ITIH5: variants seen among roughly 807,000 people sequenced by gnomAD.
ITIH5 encodes the protein inter-alpha-trypsin inhibitor heavy chain H5.
A neutral mutation model predicts 77.5 loss-of-function variants in ITIH5; 65 were observed. The observed-to-expected ratio is 0.84, with a 90% confidence interval of 0.69 to 1.03. The LOEUF (loss-of-function observed/expected upper bound fraction) is 1.03, where lower values mean the gene tolerates loss of function less well. Among genes scored for constraint, ITIH5 ranks in the 50% least tolerant of loss-of-function variants. The pLI is 0.00. For missense variants in ITIH5, 1,208 were observed against 1,213.1 expected (o/e 1.00, Z 0.06); for synonymous variants, 525 against 494.3 (o/e 1.06, Z -0.82).
intron 2 of ITIH5, among the ~76,000 whole-genome samples, chr10:7,652,960 CA>C (rs1402060674): frequency 6.6e-6 from 1 of 151,756 alleles, no homozygotes; most frequent in African/African-American, 2.4e-5. Flanking sequence ...TTAAAATGTC[CA>C]AATCCTTGTT....
chr10:7,605,651 G>T (rs1048558973), intron 7 of ITIH5, among the ~76,000 whole-genome samples: 12 of 152,068 alleles, frequency 7.9e-5, no homozygotes, highest in African/African-American at 2.9e-4. Context: ...CCAAGAAGTG[G>T]GGGGCTGTGC....
At chr10:7,651,761 C>G (rs900044058) in intron 2 of ITIH5, among the ~76,000 whole-genome samples, 1 of 152,198 alleles carries the variant, frequency 6.6e-6, no homozygotes, top group Non-Finnish European at 1.5e-5. Context: ...ACCTACTACC[C>G]TGCCTTGCCC....
At chr10:7,581,614 T>C (rs1305342367) in intron 8 of ITIH5, among the ~76,000 whole-genome samples, 1 of 152,060 alleles carries the variant, frequency 6.6e-6, no homozygotes, top group Non-Finnish European at 1.5e-5. Flanking sequence ...TATGAAAACA[T>C]ATCAAGTTGT....
At chr10:7,623,829 T>G (rs1047061691) in intron 5 of ITIH5, among the ~76,000 whole-genome samples, 1 of 147,994 alleles carries the variant, frequency 6.8e-6, no homozygotes, top group Non-Finnish European at 1.5e-5. Context: ...AAAAAATACC[T>G]TCATAAGTCT....
chr10:7,596,823 C>T (rs989104136), intron 7 of ITIH5, among the ~76,000 whole-genome samples: 31 of 151,926 alleles, frequency 2.0e-4, no homozygotes, highest in South Asian at 6.2e-4. Context: ...CGAGGAAGGA[C>T]GATCACCTGA....
At chr10:7,658,538 G>GGTATGTAT (rs1170283431) in intron 1 of ITIH5, among the ~76,000 whole-genome samples, 2 of 152,156 alleles carry the variant, frequency 1.3e-5, no homozygotes, top group East Asian at 3.9e-4. Flanking sequence ...AAGATCCAGA[G>GGTATGTAT]AATACGTGCC....
Position 7,657,091 on chromosome 10 carries a change from C to T in ITIH5, c.91-1416G>A, listed in dbSNP as rs143962157. ...ACGGAGTCTTGTTCTGTTGCCCAGG[C>T]TGGAGTGCAGTGACGCCACCTTGGC... is the stretch of plus-strand genomic sequence containing the variant. On this transcript the variant is annotated intron_variant, in intron 1 of 13. Coordinates refer to ENST00000397146, the MANE Select transcript of ITIH5 (RefSeq NM_030569.7). 1.6e-3 allele frequency among the ~76,000 whole-genome samples: 218 copies of T among 136,084 alleles called. 1 individual carries two copies. Among genetic ancestry groups the T allele is most frequent in the African/African-American group, 5.3e-3 (189 of 35,466 alleles). The allele number at this position is 136,084 out of a possible 152,430, so 89.3% of individuals were successfully genotyped here.
Position 7,561,012 on chromosome 10 carries a change from G to A in ITIH5, c.*2071C>T, listed in dbSNP as rs1344377834. ...GGTCCTAACTATAAGCTTGGTATGG[G>A]GTTTCGGGCTTTCAGGTACTGACCC... On this transcript the variant is annotated 3_prime_UTR_variant, in exon 14 of 14. Coordinates refer to ENST00000397146, the MANE Select transcript of ITIH5 (RefSeq NM_030569.7). The A allele has an allele frequency of 1.4e-5, 2 of 143,256 alleles. No individual in the cohort carries two copies. The highest frequency in any genetic ancestry group is 7.2e-5 in the Admixed American group (1 of 13,974). 8.9% of individuals were successfully genotyped at this position (143,256 alleles called of 1,614,324 possible).
In ITIH5 at chr10:7,596,216, G is replaced by A. The variant is rs530526630; in HGVS notation, c.940-10147C>T. On this transcript the variant is annotated intron_variant, in intron 7 of 13. Transcript: ENST00000397146. ...GAGATAGGGTCTTCCTTTCTCTTCC[G>A]CTCCCTCTTTCCTATAAAGCTGAGC... Among the ~76,000 whole-genome samples, 6 of 152,192 alleles carry A rather than the reference G, an allele frequency of 3.9e-5. No homozygotes were observed. The South Asian group carries it at 8.3e-4, about 21-fold the overall frequency.
intron 5 of ITIH5, chr10:7,620,379 T>C (rs931830804): frequency 6.6e-6 from 1 of 152,166 alleles, no homozygotes; most frequent in Non-Finnish European, 1.5e-5. Flanking sequence ...CTGCATAAAG[T>C]TCAAGAGGAG....
At chr10:7,610,601 G>A (rs1251578674) in intron 7 of ITIH5, among the ~76,000 whole-genome samples, 1 of 152,186 alleles carries the variant, frequency 6.6e-6, no homozygotes, top group Non-Finnish European at 1.5e-5. Context: ...TGCCAAGCCT[G>A]TTGACACAAT....
chr10:7,644,624 C>G (rs567348677), intron 2 of ITIH5, among the ~76,000 whole-genome samples: 1 of 92,336 alleles, frequency 1.1e-5, no homozygotes, highest in African/African-American at 4.3e-5. Flanking sequence ...ACATATATAT[C>G]ACATATATCA....
chr10:7,572,585 A>G (rs899538451), intron 11 of ITIH5, among the ~76,000 whole-genome samples: 1 of 151,966 alleles, frequency 6.6e-6, no homozygotes, highest in Non-Finnish European at 1.5e-5. Context: ...GGGTGGTGCA[A>G]TATAGCTCAC....
chr10:7,629,146 T>TTGTGGCATGTGTCCGTGC (rs1833656325), intron 5 of ITIH5, among the ~76,000 whole-genome samples: 1 of 139,708 alleles, frequency 7.2e-6, no homozygotes, highest in African/African-American at 2.5e-5. Context: ...TGTGTCCGTG[T>TTGTGGCATGTGTCCGTGC]TGTGGCATGC....
rs2050354 is a variant in ITIH5, at chr10:7,561,914, C to A, written c.*1169G>T. 3 of 152,108 alleles carry A rather than the reference C, an allele frequency of 2.0e-5. No individual in the cohort carries two copies. The highest frequency in any genetic ancestry group is 2.1e-4 in the South Asian group (1 of 4,822). The allele number at this position is 152,108 out of a possible 1,614,324, so 9.4% of individuals were successfully genotyped here. A position where few individuals can be genotyped will look rare whatever the true frequency, so the allele number is the denominator to read the frequency against. ...CGCCCAAGCGCTCCCGGTATCCGTC[C>A]GCTGAAGGGTGACGTTCATTGACTC... On this transcript the variant is annotated 3_prime_UTR_variant, in exon 14 of 14. Coordinates refer to ENST00000397146, the MANE Select transcript of ITIH5 (RefSeq NM_030569.7).
intron 5 of ITIH5, chr10:7,619,380 T>C (rs535118564): frequency 6.5e-6 from 1 of 152,996 alleles, no homozygotes; most frequent in Admixed American, 6.5e-5. Flanking sequence ...GGTTATCTCA[T>C]CTGTAAAATG....
At chr10:7,575,884 C>G (rs1832402206) in intron 10 of ITIH5, among the ~76,000 whole-genome samples, 1 of 152,226 alleles carries the variant, frequency 6.6e-6, no homozygotes. Flanking sequence ...TATTGATGGA[C>G]TGACTTCACT....
At chr10:7,610,659 T>C (rs1833226808) in intron 7 of ITIH5, among the ~76,000 whole-genome samples, 1 of 152,236 alleles carries the variant, frequency 6.6e-6, no homozygotes, top group African/African-American at 2.4e-5. Flanking sequence ...CCAATAGACA[T>C]AACATCATAT....
chr10:7,617,237 GT>G lies in ITIH5; in HGVS notation c.697del (p.Thr233HisfsTer5). 1 of 1,598,920 alleles carries G rather than the reference GT, an allele frequency of 6.3e-7. No homozygotes were observed. The highest frequency in any genetic ancestry group is 8.5e-7 in the Non-Finnish European group (1 of 1,173,500). On this transcript the variant is annotated frameshift_variant, in exon 6 of 14. Coordinates refer to ENST00000397146, the MANE Select transcript of ITIH5 (RefSeq NM_030569.7). LOFTEE classifies it high-confidence loss of function. ...PPSTVINQNE[T>X]FANIIFKPTV... ...AGGTTTAAAAATTATGTTGGCAAATGTTTCATTTTGGTTAATGACAGTAGAT... is the reference window on the plus strand; with the variant it reads ...AGGTTTAAAAATTATGTTGGCAAATGTTCATTTTGGTTAATGACAGTAGAT...
Sources: gnomAD v4.1 joint callset for allele counts (sites outside exome capture counted in the v4.1 genomes callset) on GRCh38, gnomAD v4.1.1 for gene constraint, MANE v1.5 for transcripts, NCBI Gene and HGNC (gene_info 2026-07-23, HGNC 2026-07-21) for gene names.